GAREM1: variants seen among roughly 807,000 people sequenced by gnomAD.
The protein encoded by GAREM1 is GRB2 associated regulator of MAPK1 subtype 1, also known as GRB2-associated and regulator of MAPK protein 1.
A neutral mutation model predicts 71.3 loss-of-function variants in GAREM1; 26 were observed. The observed-to-expected ratio is 0.36, with a 90% confidence interval of 0.27 to 0.51. The LOEUF is 0.51. Among genes scored for constraint, GAREM1 ranks in the 20% least tolerant of loss-of-function variants. GAREM1 has a pLI of 0.95. For missense variants in GAREM1, 1,026 were observed against 1,103.1 expected (o/e 0.93, Z 0.99); for synonymous variants, 440 against 433.2 (o/e 1.02, Z -0.20).
intron 3 of GAREM1, among the ~76,000 whole-genome samples, chr18:32,293,187 GT>G (rs913009985): frequency 6.6e-6 from 1 of 151,832 alleles, no homozygotes; most frequent in Non-Finnish European, 1.5e-5. Context: ...GTATATCTTA[GT>G]TTTTTTCCTT....
chr18:32,458,190 C>A (rs907554732), intron 1 of GAREM1, among the ~76,000 whole-genome samples: 2 of 152,028 alleles, frequency 1.3e-5, no homozygotes, highest in Non-Finnish European at 2.9e-5. Context: ...TGTCCATTTA[C>A]TTATTAATAT....
At chr18:32,351,605 C>T (rs780927572) in intron 2 of GAREM1, among the ~76,000 whole-genome samples, 14 of 152,024 alleles carry the variant, frequency 9.2e-5, no homozygotes, top group Non-Finnish European at 1.8e-4. Flanking sequence ...TAGGATGATG[C>T]TACACACACA....
chr18:32,410,021 C>T (rs955739174), intron 1 of GAREM1, among the ~76,000 whole-genome samples: 2 of 152,116 alleles, frequency 1.3e-5, no homozygotes, highest in African/African-American at 4.8e-5. Flanking sequence ...TTGGACAGGT[C>T]GTAAGATGAT....
intron 2 of GAREM1, among the ~76,000 whole-genome samples, chr18:32,367,094 T>A (rs936281599): frequency 6.6e-6 from 1 of 152,130 alleles, no homozygotes; most frequent in Non-Finnish European, 1.5e-5. Context: ...CCACACAACA[T>A]AAAAACAGGA....
Position 32,270,392 on chromosome 18 carries a change from GA to G in GAREM1, c.1567-10del. 1 of 1,606,538 alleles carries G rather than the reference GA, an allele frequency of 6.2e-7. No homozygotes were observed. Among genetic ancestry groups the G allele is most frequent in the Admixed American group, 1.7e-5 (1 of 59,078 alleles). On this transcript the variant is annotated splice_polypyrimidine_tract_variant and intron_variant, in intron 4 of 5. Coordinates refer to ENST00000269209, the MANE Select transcript of GAREM1 (RefSeq NM_001242409.2). ...CGGCATTCTTCTCTGACCTGGCGCA[GA>G]AAAGAACACTCCAGGTTAGCAACAG...
At chr18:32,322,386 G>C (rs2047437319) in intron 2 of GAREM1, among the ~76,000 whole-genome samples, 1 of 152,108 alleles carries the variant, frequency 6.6e-6, no homozygotes, top group Non-Finnish European at 1.5e-5. Flanking sequence ...ATCCACAGCG[G>C]ACTATAGAAT....
At position 32,412,173 on chromosome 18, in the gene GAREM1, A is replaced by C. The variant is rs2048426402; in HGVS notation, c.122-19138T>G. 3.3e-6 allele frequency: 5 copies of C among 1,503,478 alleles called. No homozygotes were observed. The South Asian group carries it at 5.6e-5, about 17-fold the overall frequency. The allele number at this position is 1,503,478 out of a possible 1,614,324, so 93.1% of individuals were successfully genotyped here. A position where few individuals can be genotyped will look rare whatever the true frequency, so the allele number is the denominator to read the frequency against. ...TGTTGTAACCTGTGGCTTCCCTGTC[A>C]CTTCTCTGGCTCTCCTCTCCTGCTA... On this transcript the variant is annotated intron_variant, in intron 1 of 5. Coordinates refer to ENST00000269209, the MANE Select transcript of GAREM1 (RefSeq NM_001242409.2).
In GAREM1 at chr18:32,446,249, T is replaced by TGTGCGC. The variant is rs1555647731; in HGVS notation, c.121+24058_121+24059insGCGCAC. On this transcript the variant is annotated intron_variant, in intron 1 of 5. Coordinates refer to ENST00000269209, the MANE Select transcript of GAREM1 (RefSeq NM_001242409.2). Reference sequence around the variant, plus strand: ...GTGTGTGTGTGTGTGTGTGTGTGTGTGTGTATAACAACAGAATTGTTCACC... The same window carrying TGTGCGC: ...GTGTGTGTGTGTGTGTGTGTGTGTGTGTGCGCGTGTATAACAACAGAATTGTTCACC... Among the ~76,000 whole-genome samples the TGTGCGC allele has an allele frequency of 2.3e-4, 35 of 151,970 alleles. No individual in the cohort carries two copies. In the East Asian group the frequency reaches 2.7e-3, roughly 12 times the overall value.
At chr18:32,463,884 G>T (rs1012890868) in intron 1 of GAREM1, among the ~76,000 whole-genome samples, 4 of 150,320 alleles carry the variant, frequency 2.7e-5, no homozygotes, top group Non-Finnish European at 4.4e-5. Context: ...CACTCACTTT[G>T]TGTATAACAT....
At chr18:32,468,967 C>CG in intron 1 of GAREM1, among the ~76,000 whole-genome samples, 1 of 128,540 alleles carries the variant, frequency 7.8e-6, no homozygotes, top group South Asian at 3.4e-4. Context: ...GCGTCCCCCC[C>CG]CCCCGCCCCC....
At chr18:32,393,274 G>A (rs143786094) in intron 1 of GAREM1, among the ~76,000 whole-genome samples, 1 of 151,028 alleles carries the variant, frequency 6.6e-6, no homozygotes, top group Non-Finnish European at 1.5e-5. Flanking sequence ...TTTGCAAATA[G>A]CTATTCAAAT....
intron 4 of GAREM1, among the ~76,000 whole-genome samples, chr18:32,286,359 T>TGTGC (rs59251397): frequency 1.3e-5 from 2 of 151,122 alleles, no homozygotes; most frequent in African/African-American, 4.9e-5. Flanking sequence ...TGTGTGTGTG[T>TGTGC]ATAATACATT....
chr18:32,440,353 C>T (rs1255902568), intron 1 of GAREM1, among the ~76,000 whole-genome samples: 1 of 152,032 alleles, frequency 6.6e-6, no homozygotes, highest in Non-Finnish European at 1.5e-5. Flanking sequence ...AGCTTCAGAT[C>T]CCAAGGCTGT....
chr18:32,416,707 T>C (rs1382600308), intron 1 of GAREM1, among the ~76,000 whole-genome samples: 1 of 152,142 alleles, frequency 6.6e-6, no homozygotes, highest in Non-Finnish European at 1.5e-5. Flanking sequence ...TCTCTTGCCA[T>C]ATACAAAATT....
rs763185127 is a variant in GAREM1, at chr18:32,287,166, T to C, written c.1431A>G (p.Arg477=). The change falls in exon 4 of 6, where the codon AGA becomes AGG. Residue 477 remains arginine, a synonymous_variant. Transcript: ENST00000269209. This position sits in a 1 kb window ranked among gnomAD's most constrained non-coding sequence, Gnocchi z 5.9. ...GGACAGAACCTCTAAACTGATCACA[T>C]CTGTTCTTCTCGCTCAGAGAGCGAG... ...PLTRSLSEKN[R]CDQFRGSVRS... is the part of the protein sequence containing the mutation. 3.1e-6 allele frequency: 5 copies of C among 1,614,204 alleles called. No homozygotes were observed. The South Asian group carries it at 3.3e-5, about 11-fold the overall frequency.
At chr18:32,447,944 T>G (rs192535144) in intron 1 of GAREM1, among the ~76,000 whole-genome samples, 121 of 152,344 alleles carry the variant, frequency 7.9e-4, no homozygotes, top group Middle Eastern at 3.4e-3. Context: ...GTGTGTTATA[T>G]CCAATAATTC....
intron 1 of GAREM1, among the ~76,000 whole-genome samples, chr18:32,413,644 T>A (rs2048440966): frequency 1.3e-5 from 2 of 152,068 alleles, no homozygotes; most frequent in South Asian, 4.1e-4. Context: ...TATAGATAGG[T>A]CTATAAAGAT....
At position 32,397,075 on chromosome 18, in the gene GAREM1, TA is replaced by T. The variant is rs1567994599; in HGVS notation, c.122-4041del. Among the ~76,000 whole-genome samples the T allele has an allele frequency of 2.0e-5, 3 of 152,152 alleles. No individual in the cohort carries two copies. The East Asian group carries it at 5.8e-4, about 29-fold the overall frequency. On this transcript the variant is annotated intron_variant, in intron 1 of 5. Coordinates refer to ENST00000269209, the MANE Select transcript of GAREM1 (RefSeq NM_001242409.2). Reference sequence around the variant, plus strand: ...CAAACTAAGATAAGTGAAGGAGAAATAAAATACTTTACAGACAAGCAAATGC... The same window carrying T: ...CAAACTAAGATAAGTGAAGGAGAAATAAATACTTTACAGACAAGCAAATGC...
chr18:32,400,557 A>G (rs987708589), intron 1 of GAREM1, among the ~76,000 whole-genome samples: 4 of 152,252 alleles, frequency 2.6e-5, no homozygotes, highest in African/African-American at 9.6e-5. Context: ...TATGCAGCCA[A>G]CAGACACATG....
Sources: allele counts gnomAD v4.1 joint callset (sites outside exome capture counted in the v4.1 genomes callset), GRCh38; gene constraint gnomAD v4.1.1; non-coding constraint Gnocchi (gnomAD v3.1); transcripts MANE v1.5; gene names NCBI Gene and HGNC (gene_info 2026-07-23, HGNC 2026-07-21).